EDRF1: variants seen among roughly 807,000 people sequenced by gnomAD.
The protein encoded by EDRF1 is erythroid differentiation regulatory factor 1.
In EDRF1, 69 loss-of-function variants were observed where a neutral mutation model predicts 148.7. The ratio of observed to expected loss-of-function variants is 0.46; its 90% CI spans 0.38 to 0.57. EDRF1 has a LOEUF of 0.57. EDRF1 is among the 20% of genes least tolerant of loss of function. EDRF1 has a pLI of 0.00. For missense variants in EDRF1, 1,118 were observed against 1,478.7 expected (o/e 0.76, Z 4.00); for synonymous variants, 515 against 532.8 (o/e 0.97, Z 0.46).
chr10:125,733,572 G>A lies in EDRF1; in HGVS notation c.1276+21G>A, dbSNP rs990699861. 7 of 1,607,536 alleles carry A rather than the reference G, an allele frequency of 4.4e-6. No individual in the cohort carries two copies. In the Admixed American group the frequency reaches 5.0e-5, roughly 11 times the overall value. On this transcript the variant is annotated intron_variant, in intron 10 of 24. Coordinates refer to ENST00000356792, the MANE Select transcript of EDRF1 (RefSeq NM_001202438.2). Reference sequence around the variant, plus strand: ...TAAAGGTAAGCTATTAATACTTCTTGAGTGAACAATAATTGATTTGGGTAA... The same window carrying A: ...TAAAGGTAAGCTATTAATACTTCTTAAGTGAACAATAATTGATTTGGGTAA...
Position 125,743,293 on chromosome 10 carries a change from A to T in EDRF1, c.2590+17A>T, listed in dbSNP as rs763387129. ...AGAGACTAGGTGAGTATCTCTTTAG[A>T]TTCCTCTCTATTGCTTGTTCTCTCA... On this transcript the variant is annotated intron_variant, in intron 18 of 24. Transcript: ENST00000356792. 1 of 1,590,346 alleles carries T rather than the reference A, an allele frequency of 6.3e-7. No homozygotes were observed. The highest frequency in any genetic ancestry group is 8.6e-7 in the Non-Finnish European group (1 of 1,159,108).
At chr10:125,747,228 G>GAAA in intron 19 of EDRF1, 6 of 259,058 alleles carry the variant, frequency 2.3e-5, no homozygotes, top group South Asian at 5.8e-5. Context: ...CATTTAGAAA[G>GAAA]AAAAAAAAAA....
In EDRF1 at chr10:125,738,362, C is replaced by T; in HGVS notation, c.1898C>T (p.Pro633Leu). 6.2e-7 allele frequency: 1 copy of T among 1,614,086 alleles called. No homozygotes were observed. Among genetic ancestry groups the T allele is most frequent in the Non-Finnish European group, 8.5e-7 (1 of 1,180,010 alleles). Residue 633 changes from proline to leucine, a missense_variant, in exon 15 of 25, where the codon CCA becomes CTA. By Grantham distance (98) the Pro-to-Leu change is moderately conservative. Around this residue, in one of 3 missense-constraint regions of EDRF1, gnomAD observed 954 missense variants for 1,241.4 expected, o/e 0.77. Coordinates refer to ENST00000356792, the MANE Select transcript of EDRF1 (RefSeq NM_001202438.2). ...CTTCCAGCAGCTGACCCCAGCACTCCAATCCCGTTAAAATATGAAGATGAA... is the reference window on the plus strand; with the variant it reads ...CTTCCAGCAGCTGACCCCAGCACTCTAATCCCGTTAAAATATGAAGATGAA... ...SDLPAADPST[P>L]IPLKYEDESS...
intron 11 of EDRF1, 23 bp from the exon 12 acceptor site, chr10:125,734,049 G>A (rs1336542092): frequency 2.5e-6 from 4 of 1,579,416 alleles, no homozygotes; most frequent in Non-Finnish European, 3.5e-6. Flanking sequence ...GGGCAGTAAA[G>A]TTGATATAAA....
At chr10:125,733,834 A>G (rs2133697076) in intron 11 of EDRF1, 91 bp downstream of exon 11, 2 of 1,258,130 alleles carry the variant, frequency 1.6e-6, no homozygotes, top group Non-Finnish European at 2.3e-6. Flanking sequence ...AGGCTTTTAA[A>G]TGCTTTTAGG....
chr10:125,732,873 C>T (rs1414017756), intron 9 of EDRF1, among the ~76,000 whole-genome samples: 1 of 152,098 alleles, frequency 6.6e-6, no homozygotes, highest in Non-Finnish European at 1.5e-5. Flanking sequence ...CTTATTGCCA[C>T]CTCCATTCCC....
At chr10:125,742,880 T>G (rs1040176388) in intron 17 of EDRF1, 178 bp from the exon 18 acceptor site, 2 of 860,796 alleles carry the variant, frequency 2.3e-6, no homozygotes, top group African/African-American at 3.7e-5. Flanking sequence ...AAATATAATT[T>G]TATAAATAAA....
intron 24 of EDRF1, among the ~76,000 whole-genome samples, 192 bp downstream of exon 24, chr10:125,754,037 G>A (rs1003677716): frequency 7.9e-5 from 12 of 152,032 alleles, no homozygotes; most frequent in Non-Finnish European, 1.0e-4. Flanking sequence ...CCAACATGGT[G>A]AAACCCCATC....
intron 23 of EDRF1, 88 bp downstream of exon 23, chr10:125,753,002 TGG>T (rs1409861688): frequency 8.1e-5 from 73 of 898,752 alleles, no homozygotes; most frequent in Non-Finnish European, 1.2e-4. Flanking sequence ...TGTATGTGTG[TGG>T]GTATATATAC....
In EDRF1 at chr10:125,740,582, G is replaced by A. The variant is rs775580765; in HGVS notation, c.2101G>A (p.Asp701Asn). ...KSSKAYYVLS[D>N]AAMSLQKYGR... ...ATCAAAGGCCTATTATGTTTTGTCC[G>A]ATGCTGCCATGAGTCTTCAGAAATA... The change falls in exon 16 of 25, where the codon GAT becomes AAT. Residue 701 changes from aspartate (D) to asparagine (N), a missense_variant. Around this residue, in one of 3 missense-constraint regions of EDRF1, gnomAD observed 954 missense variants for 1,241.4 expected, o/e 0.77. Coordinates refer to ENST00000356792, the MANE Select transcript of EDRF1 (RefSeq NM_001202438.2). 35 of 1,613,934 alleles carry A rather than the reference G, an allele frequency of 2.2e-5. No individual in the cohort carries two copies. The highest frequency in any genetic ancestry group is 2.2e-5 in the East Asian group (1 of 44,876).
chr10:125,740,499 C>G lies in EDRF1; in HGVS notation c.2018C>G (p.Ser673Cys). Residue 673 changes from serine (S) to cysteine (C), a missense_variant, in exon 16 of 25, where the codon TCT (serine) becomes TGT (cysteine). By Grantham distance (112) the Ser-to-Cys change is moderately radical. Coordinates refer to ENST00000356792, the MANE Select transcript of EDRF1 (RefSeq NM_001202438.2). ...SLQKGNYSSQ[S>C]GMIPGSWQHK... Reference sequence around the variant, plus strand: ...CAGAAGGGCAATTATTCCAGTCAATCTGGAATGATCCCTGGCTCTTGGCAA... The same window carrying G: ...CAGAAGGGCAATTATTCCAGTCAATGTGGAATGATCCCTGGCTCTTGGCAA... 1 of 1,614,046 alleles carries G rather than the reference C, an allele frequency of 6.2e-7. No homozygotes were observed. The highest frequency in any genetic ancestry group is 1.1e-5 in the South Asian group (1 of 91,060).
rs1454422451 is a variant in EDRF1 at position 125,753,744 on chromosome 10, T to C, written c.3444T>C (p.Asn1148=). ...CTGCTGATGCTTCTCCTAGTCTCAA[T>C]CGAGAAGAAGTGATGAAACTCCTCA... is the stretch of plus-strand genomic sequence containing the variant. ...AAAADASPSL[N]REEVMKLLSI... The change falls in exon 24 of 25, where the codon AAT becomes AAC. Residue 1148 remains asparagine, a synonymous_variant. Transcript: ENST00000356792. The C allele has an allele frequency of 3.1e-6, 5 of 1,613,936 alleles. No individual in the cohort carries two copies. Among genetic ancestry groups the C allele is most frequent in the African/African-American group, 2.7e-5 (2 of 74,888 alleles).
chr10:125,721,464 C>G (rs773161269), intron 2 of EDRF1, 52 bp downstream of exon 2: 1 of 1,521,268 alleles, frequency 6.6e-7, no homozygotes, highest in Admixed American at 1.8e-5. Flanking sequence ...TCACTTAAAA[C>G]TCTTATTTGC....
intron 21 of EDRF1, chr10:125,748,431 A>G (rs1414655368): frequency 1.8e-5 from 5 of 270,642 alleles, no homozygotes; most frequent in Non-Finnish European, 3.6e-5. Context: ...TAGTGCCAGC[A>G]GGATTGTACA....
At chr10:125,755,895 A>G (rs1291709556) in intron 24 of EDRF1, among the ~76,000 whole-genome samples, 2 of 152,112 alleles carry the variant, frequency 1.3e-5, no homozygotes, top group African/African-American at 2.4e-5. Context: ...TTTTCAAAGA[A>G]CCAACTTTTG....
intron 17 of EDRF1, chr10:125,741,407 T>C (rs1417646002): frequency 1.7e-6 from 1 of 590,422 alleles, no homozygotes; most frequent in East Asian, 3.7e-5. Flanking sequence ...AACCTCCGCC[T>C]CCCGGGTTCA....
chr10:125,749,500 A>G lies in EDRF1; in HGVS notation c.3212A>G (p.Asp1071Gly), dbSNP rs1849537466. 6.2e-7 allele frequency: 1 copy of G among 1,614,064 alleles called. No individual in the cohort carries two copies. The highest frequency in any genetic ancestry group is 1.7e-5 in the Admixed American group (1 of 60,008). Reference sequence around the variant, plus strand: ...GCAAAGCTGTTTCAGCTGCTGAAAGATGCTCCCTGCGAACTGCTTAGAGTA... The same window carrying G: ...GCAAAGCTGTTTCAGCTGCTGAAAGGTGCTCCCTGCGAACTGCTTAGAGTA... ...KAAKLFQLLKDAPCELLRVQL... is the reference protein window; with the variant it reads ...KAAKLFQLLKGAPCELLRVQL... Residue 1071 changes from aspartate to glycine, a missense_variant, in exon 22 of 25, where the codon GAT becomes GGT. Asp to Gly is a moderately conservative substitution (Grantham distance 94). This residue lies in a region of EDRF1 where 954 missense variants were observed against 1,241.4 expected (regional missense o/e 0.77). Transcript: ENST00000356792.
intron 16 of EDRF1, 106 bp downstream of exon 16, chr10:125,740,757 A>G (rs1848977519): frequency 7.7e-7 from 1 of 1,304,204 alleles, no homozygotes; most frequent in African/African-American, 1.5e-5. Context: ...GTAAATCTTT[A>G]TTTTAAAATG....
In EDRF1 at chr10:125,725,775, T is replaced by C. The variant is rs1413689045; in HGVS notation, c.729T>C (p.Ala243=). 2 of 1,614,066 alleles carry C rather than the reference T, an allele frequency of 1.2e-6. No individual in the cohort carries two copies. The highest frequency in any genetic ancestry group is 2.2e-5 in the East Asian group (1 of 44,872). ...SSDQTNDSEG[A]SWPAPFEMPS... The stretch of plus-strand genomic sequence containing the variant: ...ATCAGACAAATGATTCGGAAGGGGC[T>C]TCATGGCCTGCTCCCTTCGAAATGC... The change falls in exon 6 of 25, where the codon GCT becomes GCC. Residue 243 remains alanine (A), a synonymous_variant. Transcript: ENST00000356792.
Sources: gnomAD v4.1 joint callset for allele counts (sites outside exome capture counted in the v4.1 genomes callset) on GRCh38, gnomAD v4.1.1 for gene constraint, gnomAD v4.1.1 regional missense constraint, MANE v1.5 for transcripts, NCBI Gene and HGNC (gene_info 2026-07-23, HGNC 2026-07-21) for gene names.